Variants in CSMD1 observed in about 807,000 individuals in gnomAD.
CSMD1 encodes CUB and Sushi multiple domains 1.
CSMD1 carries 213 observed loss-of-function variants against 417.5 expected under a neutral mutation model. That is an observed-to-expected ratio of 0.51 (90% CI 0.46 to 0.57). CSMD1 has a LOEUF of 0.57. CSMD1 is among the 20% of genes least tolerant of loss of function. CSMD1 has a pLI of 0.00. For synonymous variants in CSMD1, 2,862 were observed against 1,736.8 expected (o/e 1.65, Z -16.11); for missense variants, 6,923 against 4,529.7 (o/e 1.53, Z -15.17).
intron 63 of CSMD1, among the ~76,000 whole-genome samples, chr8:2,956,849 G>C (rs1803045282): frequency 6.6e-6 from 1 of 151,930 alleles, no homozygotes; most frequent in Non-Finnish European, 1.5e-5. Flanking sequence ...ATATTATCAA[G>C]CTCCATATTA....
chr8:3,565,131 C>CAAAAAAAAAAAAAAAAAAAAAAAAAAAA (rs869248314), intron 10 of CSMD1, among the ~76,000 whole-genome samples: 5 of 10,448 alleles, frequency 4.8e-4, no homozygotes, highest in Non-Finnish European at 9.3e-4. Flanking sequence ...TGCAAGACAG[C>CAAAAAAAAAAAAAAAAAAAAAAAAAAAA]AAAAAAAAAA....
intron 20 of CSMD1, among the ~76,000 whole-genome samples, chr8:3,361,951 C>T (rs939716506): frequency 6.6e-6 from 1 of 152,118 alleles, no homozygotes; most frequent in Admixed American, 6.6e-5. Flanking sequence ...CATTATTATA[C>T]AAAGTATATT....
intron 2 of CSMD1, among the ~76,000 whole-genome samples, chr8:4,504,316 G>A (rs1177293071): frequency 6.6e-6 from 1 of 152,104 alleles, no homozygotes; most frequent in African/African-American, 2.4e-5. Context: ...CCAGGTGTAG[G>A]GAAGAAAGGA....
At chr8:4,540,159 A>G (rs1474125375) in intron 2 of CSMD1, among the ~76,000 whole-genome samples, 2 of 152,170 alleles carry the variant, frequency 1.3e-5, no homozygotes, top group Non-Finnish European at 2.9e-5. Flanking sequence ...GTAAAGCATG[A>G]TGGACTCAAG....
At chr8:3,519,846 C>T (rs1045273474) in intron 10 of CSMD1, among the ~76,000 whole-genome samples, 1 of 152,152 alleles carries the variant, frequency 6.6e-6, no homozygotes, top group African/African-American at 2.4e-5. Flanking sequence ...TCAACCATCC[C>T]ATCAACCTCC....
At chr8:3,524,206 C>T (rs111205002) in intron 10 of CSMD1, among the ~76,000 whole-genome samples, 3,552 of 151,448 alleles carry the variant, frequency 0.023, 124 homozygotes, top group African/African-American at 0.081. Context: ...CACACACATG[C>T]AACCCAGACA....
chr8:3,090,231 G>A (rs1443449665), intron 48 of CSMD1, among the ~76,000 whole-genome samples: 1 of 147,870 alleles, frequency 6.8e-6, no homozygotes, highest in African/African-American at 2.5e-5. Flanking sequence ...GCAGGAGAAT[G>A]GCCTGAACCC....
At chr8:4,382,725 C>T (rs1803183652) in intron 3 of CSMD1, among the ~76,000 whole-genome samples, 1 of 150,244 alleles carries the variant, frequency 6.7e-6, no homozygotes, top group South Asian at 2.2e-4. Flanking sequence ...TTGTTTTTAA[C>T]GCTTTGCATT....
At chr8:3,985,406 C>T (rs190847478) in intron 5 of CSMD1, among the ~76,000 whole-genome samples, 1 of 152,236 alleles carries the variant, frequency 6.6e-6, no homozygotes, top group East Asian at 1.9e-4. Flanking sequence ...CATCTACCCT[C>T]TTGTCTAGTC....
In CSMD1 at chr8:3,927,433, G is replaced by A. The variant is rs544283000; in HGVS notation, c.818+70470C>T. Among the ~76,000 whole-genome samples the A allele has an allele frequency of 9.7e-4, 147 of 152,016 alleles. 5 individuals are homozygous for A. The highest frequency in any genetic ancestry group is 8.7e-4 in the African/African-American group (36 of 41,482). ...TGTGGTCCCAACACTTTGTGGTGCCGAGGCAGGTGGATCACAAGGTCAGGA... is the reference window on the plus strand; with the variant it reads ...TGTGGTCCCAACACTTTGTGGTGCCAAGGCAGGTGGATCACAAGGTCAGGA... On this transcript the variant is annotated intron_variant, in intron 5 of 69. Transcript: ENST00000635120.
At position 3,259,699 on chromosome 8, in the gene CSMD1, T is replaced by C. The variant is rs185401890; in HGVS notation, c.4153+24445A>G. 3.2e-3 allele frequency among the ~76,000 whole-genome samples: 486 copies of C among 152,214 alleles called. 8 individuals are homozygous for C. The highest frequency in any genetic ancestry group is 0.011 in the African/African-American group (468 of 41,526). On this transcript the variant is annotated intron_variant, in intron 26 of 69. Transcript: ENST00000635120. ...TCCTGAAATTTACTAAATTGGTGAG[T>C]CTAATGCAAATACTAAAGCACTCAC...
chr8:4,261,554 C>A (rs779107), intron 3 of CSMD1, among the ~76,000 whole-genome samples: 66,133 of 151,872 alleles, frequency 0.44, 16,351 homozygotes, highest in South Asian at 0.57. Context: ...AAGAGTAGAT[C>A]TTTTTATTTA....
chr8:3,384,713 TATTTATA>T (rs1487714369), intron 18 of CSMD1, among the ~76,000 whole-genome samples: 1 of 62,820 alleles, frequency 1.6e-5, no homozygotes. Flanking sequence ...TATATAAATA[TATTTATA>T]ATATTTATAT....
rs547002860 is a variant in CSMD1, at chr8:4,361,880, G to A, written c.415+58073C>T. Among the ~76,000 whole-genome samples the A allele has an allele frequency of 7.9e-5, 12 of 152,160 alleles. No individual in the cohort carries two copies. In the South Asian group the frequency reaches 8.3e-4, roughly 11 times the overall value. ...TAAGGCAGAAGAATTGCTTGAACCC[G>A]GGAGGCGGAGCTTGCAGTGAGGCGA... On this transcript the variant is annotated intron_variant, in intron 3 of 69. Transcript: ENST00000635120.
intron 5 of CSMD1, among the ~76,000 whole-genome samples, chr8:3,792,607 C>G (rs935338661): frequency 6.6e-6 from 1 of 152,152 alleles, no homozygotes; most frequent in African/African-American, 2.4e-5. Context: ...CTTCCTTTCA[C>G]CCTCAGACAA....
chr8:4,073,678 G>C (rs1033123958), intron 3 of CSMD1, among the ~76,000 whole-genome samples: 3 of 152,176 alleles, frequency 2.0e-5, no homozygotes, highest in South Asian at 2.1e-4. Flanking sequence ...GTTATATTTA[G>C]ATTATTTCTA....
At chr8:4,659,190 A>C (rs937593963) in intron 1 of CSMD1, among the ~76,000 whole-genome samples, 1 of 152,196 alleles carries the variant, frequency 6.6e-6, no homozygotes, top group Middle Eastern at 3.2e-3. Flanking sequence ...ACGAGGACAC[A>C]CAAAAATATA....
intron 3 of CSMD1, among the ~76,000 whole-genome samples, chr8:4,167,239 G>T (rs118003545): frequency 2.0e-5 from 3 of 152,106 alleles, no homozygotes; most frequent in Non-Finnish European, 4.4e-5. Flanking sequence ...GGGAAGGAGT[G>T]TCTTCGAAGG....
chr8:4,166,225 C>A (rs539440041), intron 3 of CSMD1, among the ~76,000 whole-genome samples: 27 of 152,140 alleles, frequency 1.8e-4, no homozygotes, highest in African/African-American at 5.5e-4. Context: ...TCATTTAACC[C>A]AATATATCCA....
Sources: gnomAD v4.1 joint callset for allele counts (sites outside exome capture counted in the v4.1 genomes callset) on GRCh38, gnomAD v4.1.1 for gene constraint, MANE v1.5 for transcripts, NCBI Gene and HGNC (gene_info 2026-07-23, HGNC 2026-07-21) for gene names.